Variants in CELF2 observed in about 807,000 individuals in gnomAD.
CELF2 encodes CUGBP Elav-like family member 2.
In CELF2, 8 loss-of-function variants were observed where a neutral mutation model predicts 62.6. That is an observed-to-expected ratio of 0.13 (90% CI 0.07 to 0.23). CELF2 has a LOEUF of 0.23. Among genes scored for constraint, CELF2 ranks in the 10% least tolerant of loss-of-function variants. The probability of loss-of-function intolerance (pLI) is 1.00; values close to 1 mark genes in which losing one functional copy is unlikely to be tolerated. For missense variants in CELF2, 333 were observed against 671.0 expected, an observed-to-expected ratio of 0.50 and a Z score of 5.56; for synonymous variants, 258 against 250.0, an observed-to-expected ratio of 1.03 and a Z score of -0.30.
chr10:10,475,146 G>A, the CELF2 span, among the ~76,000 whole-genome samples: 1 of 152,050 alleles, frequency 6.6e-6, no homozygotes, highest in South Asian at 2.1e-4. Context: ...TATTTCTAGA[G>A]CACTTTTTTT....
chr10:11,144,617 G>T (rs576862762), intron 1 of CELF2, among the ~76,000 whole-genome samples: 1 of 150,754 alleles, frequency 6.6e-6, no homozygotes, highest in East Asian at 1.9e-4. Flanking sequence ...CCCAAGGACA[G>T]GCACGGTGGC....
the CELF2 span, among the ~76,000 whole-genome samples, chr10:10,509,457 A>G: frequency 6.6e-6 from 1 of 152,182 alleles, no homozygotes; most frequent in Admixed American, 6.5e-5. Context: ...ACCAAATGAG[A>G]CTACAGTGAG....
At chr10:11,034,775 A>G (rs1315898020) in intron 1 of CELF2, among the ~76,000 whole-genome samples, 5 of 152,166 alleles carry the variant, frequency 3.3e-5, no homozygotes, top group Admixed American at 6.5e-5. Flanking sequence ...CTGGATTTTT[A>G]TCGAGCCTGT....
At chr10:10,630,710 G>A in the CELF2 span, among the ~76,000 whole-genome samples, 8,129 of 152,238 alleles carry the variant, frequency 0.053, 305 homozygotes, top group Admixed American at 0.089. Flanking sequence ...AATGGCAGTG[G>A]GATGGATGGA....
intron 2 of CELF2, among the ~76,000 whole-genome samples, chr10:10,959,986 A>G (rs1209265444): frequency 6.6e-6 from 1 of 152,246 alleles, no homozygotes; most frequent in African/African-American, 2.4e-5. Context: ...TGTGGTTATC[A>G]ACATAAGCAT....
At chr10:10,727,603 C>G in the CELF2 span, among the ~76,000 whole-genome samples, 1 of 151,914 alleles carries the variant, frequency 6.6e-6, no homozygotes, top group African/African-American at 2.4e-5. Flanking sequence ...AGTGAAACCC[C>G]GTCTCTACCA....
the CELF2 span, among the ~76,000 whole-genome samples, chr10:10,568,821 C>T: frequency 0.096 from 14,546 of 152,106 alleles, 820 homozygotes; most frequent in Non-Finnish European, 0.13. Flanking sequence ...AAAGAAAAAG[C>T]TGGTTTACTA....
At position 11,011,594 on chromosome 10, in the gene CELF2, T is replaced by C. The variant is rs201125; in HGVS notation, c.53+6154T>C. The stretch of plus-strand genomic sequence containing the variant: ...ATGAAACAGGGCAAATATGTAGCTA[T>C]TCATATAAAGAGGAAATTGAGAAGT... On this transcript the variant is annotated intron_variant, in intron 1 of 12. Transcript: ENST00000416382. The surrounding 1 kb of genome is among the most constrained non-coding windows in gnomAD (Gnocchi z 4.6). Among the ~76,000 whole-genome samples, 1,348 of 152,284 alleles carry C rather than the reference T, an allele frequency of 8.9e-3. 21 individuals are homozygous for C. Among genetic ancestry groups the C allele is most frequent in the African/African-American group, 0.03 (1,256 of 41,558 alleles).
the CELF2 span, among the ~76,000 whole-genome samples, chr10:10,486,690 GT>G: frequency 0.011 from 1,665 of 152,212 alleles, 29 homozygotes; most frequent in African/African-American, 0.039. Flanking sequence ...TGATCAAAAC[GT>G]TTTGAACTGT....
intron 1 of CELF2, among the ~76,000 whole-genome samples, chr10:10,903,715 AC>A (rs537732234): frequency 1.1e-3 from 169 of 152,032 alleles, no homozygotes; most frequent in African/African-American, 3.7e-3. Flanking sequence ...CCTGTACTAA[AC>A]CCCCCATTTC....
chr10:10,571,477 T>C, the CELF2 span, among the ~76,000 whole-genome samples: 182 of 152,322 alleles, frequency 1.2e-3, 4 homozygotes, highest in South Asian at 0.031. Context: ...TGCTGAAGTA[T>C]TGGCAAATAG....
At chr10:10,541,293 T>C in the CELF2 span, among the ~76,000 whole-genome samples, 1 of 149,518 alleles carries the variant, frequency 6.7e-6, no homozygotes, top group African/African-American at 2.5e-5. Flanking sequence ...CTCTGGAAGA[T>C]TGCTGATGTC....
the CELF2 span, among the ~76,000 whole-genome samples, chr10:10,654,448 A>T: frequency 4.4e-5 from 5 of 114,024 alleles, no homozygotes; most frequent in African/African-American, 1.6e-4. Flanking sequence ...TCCTTGATGA[A>T]CACTGATGCA....
At chr10:11,096,348 G>A (rs1320782187) in intron 1 of CELF2, 1 of 152,112 alleles carries the variant, frequency 6.6e-6, no homozygotes, top group African/African-American at 2.4e-5. Flanking sequence ...GGAGTCCGTC[G>A]TTTTCCCCTT....
chr10:10,579,499 T>C, the CELF2 span, among the ~76,000 whole-genome samples: 5,616 of 152,224 alleles, frequency 0.037, 328 homozygotes, highest in African/African-American at 0.13. Flanking sequence ...GCTGCATTTG[T>C]TATTGACCTT....
chr10:11,006,958 A>G (rs932349523), intron 1 of CELF2, among the ~76,000 whole-genome samples: 2 of 152,266 alleles, frequency 1.3e-5, no homozygotes, highest in African/African-American at 4.8e-5. Flanking sequence ...AACTTCTCAA[A>G]TAATGAAACC....
At chr10:10,748,718 A>G in the CELF2 span, among the ~76,000 whole-genome samples, 10 of 140,564 alleles carry the variant, frequency 7.1e-5, no homozygotes, top group Non-Finnish European at 1.1e-4. Flanking sequence ...ACTACACTCC[A>G]TCCTGGGTGA....
the CELF2 span, among the ~76,000 whole-genome samples, chr10:10,525,155 C>T: frequency 6.6e-6 from 1 of 152,140 alleles, no homozygotes; most frequent in African/African-American, 2.4e-5. Flanking sequence ...AAAATCTATG[C>T]TCTTAGCAAT....
At chr10:10,834,260 GA>G (rs371868502) in intron 1 of CELF2, among the ~76,000 whole-genome samples, 132 of 152,312 alleles carry the variant, frequency 8.7e-4, no homozygotes, top group Middle Eastern at 3.4e-3. Context: ...GCTAAATGAT[GA>G]GAACAGACGG....
Sources: allele counts gnomAD v4.1 joint callset (sites outside exome capture counted in the v4.1 genomes callset), GRCh38; gene constraint gnomAD v4.1.1; non-coding constraint Gnocchi (gnomAD v3.1); transcripts MANE v1.5; gene names NCBI Gene and HGNC (gene_info 2026-07-23, HGNC 2026-07-21).